Variants in TMEM132C observed in about 807,000 individuals in gnomAD.
TMEM132C encodes transmembrane protein 132C, also known as protein phosphatase 1, regulatory subunit 152.
A neutral mutation model predicts 61.4 loss-of-function variants in TMEM132C; 29 were observed. The ratio of observed to expected loss-of-function variants is 0.47; its 90% confidence interval spans 0.35 to 0.64. TMEM132C has a LOEUF of 0.64. Among genes scored for constraint, TMEM132C ranks in the 30% least tolerant of loss-of-function variants. The probability of loss-of-function intolerance (pLI) is 0.00; values close to 1 mark genes in which losing one functional copy is unlikely to be tolerated. For missense variants in TMEM132C, 1,408 were observed against 1,476.9 expected, an observed-to-expected ratio of 0.95 and a Z score of 0.76; for synonymous variants, 656 against 633.1, an observed-to-expected ratio of 1.04 and a Z score of -0.54.
chr12:128,586,478 T>C (rs895523232), intron 3 of TMEM132C, among the ~76,000 whole-genome samples: 1 of 152,060 alleles, frequency 6.6e-6, no homozygotes, highest in Non-Finnish European at 1.5e-5. Flanking sequence ...TCCTCTGTTA[T>C]GGTTAGAAGG....
intron 3 of TMEM132C, 48 bp from the exon 4 acceptor site, chr12:128,616,104 T>G: frequency 6.5e-7 from 1 of 1,534,252 alleles, no homozygotes; most frequent in Non-Finnish European, 8.8e-7. Context: ...GAGAGAAGGG[T>G]CCTTTGAACA....
intron 2 of TMEM132C, among the ~76,000 whole-genome samples, chr12:128,460,693 G>A (rs1870502941): frequency 6.6e-6 from 1 of 152,196 alleles, no homozygotes; most frequent in Admixed American, 6.5e-5. Flanking sequence ...ATGAATGCAA[G>A]TTTGCAGGGA....
chr12:128,314,113 C>T (rs1208920571), intron 1 of TMEM132C, among the ~76,000 whole-genome samples: 1 of 152,152 alleles, frequency 6.6e-6, no homozygotes, highest in Admixed American at 6.5e-5. Context: ...GGCACAAAAG[C>T]AAACAAGAGT....
At chr12:128,553,937 C>G (rs1874253076) in intron 3 of TMEM132C, among the ~76,000 whole-genome samples, 1 of 152,206 alleles carries the variant, frequency 6.6e-6, no homozygotes, top group Admixed American at 6.5e-5. Flanking sequence ...CCAGTCCCTC[C>G]TTGTTGCAGC....
At chr12:128,301,146 TG>T (rs1871584248) in intron 1 of TMEM132C, among the ~76,000 whole-genome samples, 1 of 151,944 alleles carries the variant, frequency 6.6e-6, no homozygotes. Context: ...AGGTGTGCTG[TG>T]GGAAGCAGAA....
intron 2 of TMEM132C, among the ~76,000 whole-genome samples, chr12:128,500,027 C>T (rs890316357): frequency 1.3e-5 from 2 of 152,272 alleles, no homozygotes; most frequent in African/African-American, 2.4e-5. Context: ...TTCCCTTTCT[C>T]GGCATGCTCA....
At chr12:128,665,761 T>G (rs111174031) in intron 4 of TMEM132C, among the ~76,000 whole-genome samples, 1 of 76,964 alleles carries the variant, frequency 1.3e-5, no homozygotes, top group African/African-American at 5.5e-5. Flanking sequence ...GCACATGTAC[T>G]CATAAGCACA....
intron 5 of TMEM132C, among the ~76,000 whole-genome samples, chr12:128,679,035 T>C (rs1954614451): frequency 6.6e-6 from 1 of 152,210 alleles, no homozygotes; most frequent in African/African-American, 2.4e-5. Flanking sequence ...AGTGTCCTTA[T>C]CTCAGATATG....
chr12:128,507,622 G>A lies in TMEM132C; in HGVS notation c.975-36335G>A, dbSNP rs561870465. Among the ~76,000 whole-genome samples the A allele has an allele frequency of 4.6e-5, 7 of 152,122 alleles. No homozygotes were observed. The South Asian group carries it at 1.5e-3, about 32-fold the overall frequency. ...AGCTGCTTCAGGTTTTTTCTGGGCT[G>A]TTTTCAGGGCTGCCAACTCAGCCAG... is the stretch of plus-strand genomic sequence containing the variant. On this transcript the variant is annotated intron_variant, in intron 2 of 8. Coordinates refer to ENST00000435159, the MANE Select transcript of TMEM132C (RefSeq NM_001136103.3).
intron 5 of TMEM132C, among the ~76,000 whole-genome samples, chr12:128,682,417 C>T (rs1954642825): frequency 6.6e-6 from 1 of 152,204 alleles, no homozygotes; most frequent in African/African-American, 2.4e-5. Flanking sequence ...TGATGACATT[C>T]ATCCAAGCAA....
At chr12:128,623,363 G>A (rs187882847) in intron 4 of TMEM132C, among the ~76,000 whole-genome samples, 1 of 151,828 alleles carries the variant, frequency 6.6e-6, no homozygotes, top group East Asian at 1.9e-4. Flanking sequence ...GCATGCATAT[G>A]TAACAAACCT....
rs1048131432 is a variant in TMEM132C, at chr12:128,326,850, A to G, written c.85+59363A>G. Reference sequence around the variant, plus strand: ...AAAACAGCACTCAGGAATTAATTGTATTTTTAATAAAGCAGAGGCTTTTGT... The same window carrying G: ...AAAACAGCACTCAGGAATTAATTGTGTTTTTAATAAAGCAGAGGCTTTTGT... On this transcript the variant is annotated intron_variant, in intron 1 of 8. Coordinates refer to ENST00000435159, the MANE Select transcript of TMEM132C (RefSeq NM_001136103.3). The surrounding 1 kb of genome is among the most constrained non-coding windows in gnomAD (Gnocchi z 5.6). 6.7e-6 allele frequency among the ~76,000 whole-genome samples: 1 copy of G among 149,434 alleles called. No homozygotes were observed. Among genetic ancestry groups the G allele is most frequent in the Non-Finnish European group, 1.5e-5 (1 of 67,968 alleles).
At chr12:128,529,555 G>T (rs890514965) in intron 2 of TMEM132C, among the ~76,000 whole-genome samples, 2 of 152,154 alleles carry the variant, frequency 1.3e-5, no homozygotes, top group Admixed American at 1.3e-4. Flanking sequence ...AGGCCAAGGC[G>T]GGTGGATCAC....
At chr12:128,483,673 T>C (rs1871390199) in intron 2 of TMEM132C, among the ~76,000 whole-genome samples, 1 of 152,092 alleles carries the variant, frequency 6.6e-6, no homozygotes, top group African/African-American at 2.4e-5. Flanking sequence ...AAAGCAATGG[T>C]GTATGGACAT....
In TMEM132C at chr12:128,706,246, C is replaced by T; in HGVS notation, c.3278C>T (p.Ala1093Val). 6.4e-7 allele frequency: 1 copy of T among 1,550,892 alleles called. No homozygotes were observed. Among genetic ancestry groups the T allele is most frequent in the Non-Finnish European group, 8.7e-7 (1 of 1,146,562 alleles). The change falls in exon 9 of 9, where the codon GCC becomes GTC. Residue 1093 changes from alanine to valine, a missense_variant. By Grantham distance (64) the Ala-to-Val change is moderately conservative (BLOSUM62 0). Coordinates refer to ENST00000435159, the MANE Select transcript of TMEM132C (RefSeq NM_001136103.3). ...KWVCQDVAVG[A>V]PKELRNYLEK... ...GTGTGTCAAGACGTGGCTGTGGGTG[C>T]CCCCAAGGAACTTAGAAACTATCTG...
chr12:128,628,630 C>T (rs1954040308), intron 4 of TMEM132C, among the ~76,000 whole-genome samples: 1 of 152,156 alleles, frequency 6.6e-6, no homozygotes, highest in African/African-American at 2.4e-5. Flanking sequence ...GACACTCTAT[C>T]AGTAGCTTCT....
rs545961671 is a variant in TMEM132C at position 128,383,076 on chromosome 12, CTGTA to C, written c.86-31653_86-31650del. 2.3e-3 allele frequency among the ~76,000 whole-genome samples: 352 copies of C among 151,722 alleles called. 1 individual carries two copies. The highest frequency in any genetic ancestry group is 3.1e-3 in the Non-Finnish European group (214 of 67,938). ...AGCATCTGTATGTATGTGTATGAGT[CTGTA>C]TGCATGTGCATCTGTGTGTACATGT... On this transcript the variant is annotated intron_variant, in intron 1 of 8. Transcript: ENST00000435159.
At position 128,471,659 on chromosome 12, in the gene TMEM132C, A is replaced by G. The variant is rs563724576; in HGVS notation, c.974+56039A>G. Among the ~76,000 whole-genome samples the G allele has an allele frequency of 9.4e-4, 143 of 152,232 alleles. 1 individual carries two copies. The highest frequency in any genetic ancestry group is 1.9e-3 in the Non-Finnish European group (127 of 68,020). On this transcript the variant is annotated intron_variant, in intron 2 of 8. Coordinates refer to ENST00000435159, the MANE Select transcript of TMEM132C (RefSeq NM_001136103.3). ...TGGGGTGAGACTGCTTGGGTGTAAT[A>G]CAGACTTTAATACTTCCTGGCTGTG...
intron 1 of TMEM132C, among the ~76,000 whole-genome samples, chr12:128,327,006 CT>C (rs1461312859): frequency 6.7e-6 from 1 of 149,720 alleles, no homozygotes; most frequent in Non-Finnish European, 1.5e-5. Flanking sequence ...TTTAGGTTTT[CT>C]TTTATCCCCA....
Sources: gnomAD v4.1 joint callset for allele counts (sites outside exome capture counted in the v4.1 genomes callset) on GRCh38, gnomAD v4.1.1 for gene constraint, Gnocchi (gnomAD v3.1) non-coding constraint, MANE v1.5 for transcripts, NCBI Gene and HGNC (gene_info 2026-07-23, HGNC 2026-07-21) for gene names.